Variants in DCC observed in about 807,000 individuals in gnomAD.
DCC encodes DCC netrin 1 receptor, also known as netrin receptor DCC.
DCC carries 58 observed loss-of-function variants against 172.5 expected under a neutral mutation model. The ratio of observed to expected loss-of-function variants is 0.34; its 90% CI spans 0.27 to 0.42. DCC has a LOEUF of 0.42. DCC is among the 10% of genes least tolerant of loss of function. DCC has a pLI of 1.00. For missense variants in DCC, 1,740 were observed against 1,791.0 expected, an observed-to-expected ratio of 0.97 and a Z score of 0.51; for synonymous variants, 709 against 644.5, an observed-to-expected ratio of 1.10 and a Z score of -1.52.
At chr18:52,763,186 C>T (rs966999459) in intron 2 of DCC, among the ~76,000 whole-genome samples, 11 of 152,194 alleles carry the variant, frequency 7.2e-5, no homozygotes, top group East Asian at 3.8e-4. Flanking sequence ...ACAGGCTGCT[C>T]ATCAGGTTCA....
At chr18:53,404,904 G>A (rs1411671726) in intron 19 of DCC, among the ~76,000 whole-genome samples, 2 of 151,856 alleles carry the variant, frequency 1.3e-5, no homozygotes, top group Non-Finnish European at 2.9e-5. Flanking sequence ...CTCTCACAGT[G>A]GAAAAATAAA....
At chr18:52,864,935 G>T (rs1024557121) in intron 2 of DCC, among the ~76,000 whole-genome samples, 26 of 151,736 alleles carry the variant, frequency 1.7e-4, no homozygotes, top group African/African-American at 6.3e-4. Flanking sequence ...GCATGATCTT[G>T]GCTCACTGCC....
At chr18:52,953,985 T>C (rs8086929) in intron 5 of DCC, among the ~76,000 whole-genome samples, 2,754 of 152,338 alleles carry the variant, frequency 0.018, 36 homozygotes, top group Middle Eastern at 0.037. Flanking sequence ...CCTGATATGT[T>C]TAAATTATAT....
intron 1 of DCC, among the ~76,000 whole-genome samples, chr18:52,422,269 C>T (rs1048823576): frequency 6.6e-6 from 1 of 152,186 alleles, no homozygotes; most frequent in African/African-American, 2.4e-5. Flanking sequence ...GAACAATTCA[C>T]ATCCAGATGT....
intron 1 of DCC, among the ~76,000 whole-genome samples, chr18:52,380,353 A>G (rs1465206527): frequency 3.3e-5 from 5 of 152,068 alleles, no homozygotes; most frequent in African/African-American, 1.2e-4. Context: ...TATATAATTA[A>G]ATTTCCTGTT....
intron 2 of DCC, among the ~76,000 whole-genome samples, chr18:52,883,265 A>G (rs992457870): frequency 6.6e-6 from 1 of 151,794 alleles, no homozygotes; most frequent in Non-Finnish European, 1.5e-5. Context: ...GTTATGATTG[A>G]TAAGTAAGGA....
Position 52,807,164 on chromosome 18 carries a change from C to T in DCC, c.412+54790C>T, listed in dbSNP as rs145586736. ...GAGCCGAGGTCGCGCCACTGCACTC[C>T]AGCCTGGTGACAGAGCGAGACTGTC... On this transcript the variant is annotated intron_variant, in intron 2 of 28. Transcript: ENST00000442544. Among the ~76,000 whole-genome samples, 1,146 of 152,284 alleles carry T rather than the reference C, an allele frequency of 7.5e-3. 11 individuals carry two copies. Among genetic ancestry groups the T allele is most frequent in the Admixed American group, 0.017 (257 of 15,302 alleles).
intron 5 of DCC, among the ~76,000 whole-genome samples, chr18:52,983,684 A>G (rs1193461188): frequency 6.6e-6 from 1 of 152,208 alleles, no homozygotes; most frequent in African/African-American, 2.4e-5. Context: ...AGACTTGGGA[A>G]GAAATCTTAT....
Position 53,531,882 on chromosome 18 carries a change from T to G in DCC, c.*1229T>G, listed in dbSNP as rs1298997616. 6.6e-6 allele frequency: 1 copy of G among 152,224 alleles called. No homozygotes were observed. Among genetic ancestry groups the G allele is most frequent in the Non-Finnish European group, 1.5e-5 (1 of 68,062 alleles). 9.4% of individuals were successfully genotyped at this position (152,224 alleles called of 1,614,324 possible). A position where few individuals can be genotyped will look rare whatever the true frequency, so the allele number is the denominator to read the frequency against. On this transcript the variant is annotated 3_prime_UTR_variant, in exon 29 of 29. Transcript: ENST00000442544. ...CAGGTGCCACCTGACACTTCCGACA[T>G]GTAAATCCAGCAGATACTTTTCAAA...
At chr18:53,384,062 A>C (rs746504561) in intron 15 of DCC, among the ~76,000 whole-genome samples, 1 of 152,146 alleles carries the variant, frequency 6.6e-6, no homozygotes, top group Admixed American at 6.5e-5. Context: ...ACTTAGTCTT[A>C]GTTTATTAAA....
chr18:53,175,269 G>C (rs1166982827), intron 8 of DCC, among the ~76,000 whole-genome samples: 5 of 151,760 alleles, frequency 3.3e-5, no homozygotes, highest in African/African-American at 9.7e-5. Flanking sequence ...ACTGGCACAA[G>C]ACAGGGATGC....
At chr18:52,881,133 T>C (rs1420892363) in intron 2 of DCC, among the ~76,000 whole-genome samples, 1 of 152,204 alleles carries the variant, frequency 6.6e-6, no homozygotes, top group East Asian at 1.9e-4. Context: ...CTTTTTCATA[T>C]GCCTCTTTGC....
intron 5 of DCC, among the ~76,000 whole-genome samples, chr18:52,956,443 T>C (rs2040744995): frequency 6.6e-6 from 1 of 152,110 alleles, no homozygotes; most frequent in African/African-American, 2.4e-5. Flanking sequence ...TATTTATTTA[T>C]TCTTTTACCA....
chr18:53,518,424 T>C (rs79524748), intron 27 of DCC, among the ~76,000 whole-genome samples: 6 of 152,146 alleles, frequency 3.9e-5, no homozygotes, highest in Non-Finnish European at 5.9e-5. Flanking sequence ...AAAATTATTT[T>C]ACATGGGAAA....
intron 14 of DCC, among the ~76,000 whole-genome samples, chr18:53,330,820 C>T (rs72925381): frequency 0.05 from 7,641 of 152,290 alleles, 311 homozygotes; most frequent in Middle Eastern, 0.095. Context: ...TTTCTCTTAT[C>T]TGAGTTTCAC....
In DCC at chr18:52,940,444, G is replaced by A. The variant is rs140927256; in HGVS notation, c.985+15074G>A. 1.2e-3 allele frequency among the ~76,000 whole-genome samples: 184 copies of A among 152,124 alleles called. 1 individual carries two copies. The highest frequency in any genetic ancestry group is 1.6e-3 in the Non-Finnish European group (106 of 67,998). Reference sequence around the variant, plus strand: ...AGATTAGTGACAGAACATGAAATTGGACTAAGCCCAAAGTAGAACAAAAGT... The same window carrying A: ...AGATTAGTGACAGAACATGAAATTGAACTAAGCCCAAAGTAGAACAAAAGT... On this transcript the variant is annotated intron_variant, in intron 5 of 28. Coordinates refer to ENST00000442544, the MANE Select transcript of DCC (RefSeq NM_005215.4).
chr18:52,417,372 G>A (rs1258079972), intron 1 of DCC, among the ~76,000 whole-genome samples: 3 of 152,046 alleles, frequency 2.0e-5, no homozygotes, highest in Non-Finnish European at 2.9e-5. Flanking sequence ...TTCTCGAGGA[G>A]TATCTTTGTG....
At chr18:52,565,135 T>C (rs1028776287) in intron 1 of DCC, among the ~76,000 whole-genome samples, 2 of 152,136 alleles carry the variant, frequency 1.3e-5, no homozygotes, top group Admixed American at 1.3e-4. Flanking sequence ...TTCTATGTAC[T>C]TTTAAACATT....
chr18:52,481,185 T>A (rs2029944585), intron 1 of DCC, among the ~76,000 whole-genome samples: 3 of 152,192 alleles, frequency 2.0e-5, no homozygotes, highest in Admixed American at 6.5e-5. Flanking sequence ...ATTCTTAAAC[T>A]TTCTCAGGCT....
Sources: gnomAD v4.1 joint callset for allele counts (sites outside exome capture counted in the v4.1 genomes callset) on GRCh38, gnomAD v4.1.1 for gene constraint, MANE v1.5 for transcripts, NCBI Gene and HGNC (gene_info 2026-07-23, HGNC 2026-07-21) for gene names.